Variants in GMPS observed in about 807,000 individuals in gnomAD.
GMPS encodes GMP synthase [glutamine-hydrolyzing].
Under a neutral mutation model 77.9 loss-of-function variants are expected in GMPS, and 15 were observed. The ratio of observed to expected loss-of-function variants is 0.19; its 90% confidence interval spans 0.13 to 0.30. The LOEUF is 0.30. GMPS is among the 10% of genes least tolerant of loss of function. GMPS has a pLI of 1.00. For synonymous variants in GMPS, 224 were observed against 275.9 expected, an observed-to-expected ratio of 0.81 and a Z score of 1.86; for missense variants, 590 against 838.8, an observed-to-expected ratio of 0.70 and a Z score of 3.66.
In GMPS at chr3:155,906,243, G is replaced by A. The variant is rs374038217; in HGVS notation, c.506G>A (p.Arg169His). 47 of 1,608,334 alleles carry A rather than the reference G, an allele frequency of 2.9e-5. No homozygotes were observed. Among genetic ancestry groups the A allele is most frequent in the African/African-American group, 6.7e-5 (5 of 74,872 alleles). ...GCTGATGGATTCAAGGTTGTGGCAC[G>A]TTCTGGAAACATAGTAGCAGGTGAA... The part of the protein sequence containing the change: ...KVADGFKVVA[R>H]SGNIVAGIAN... Residue 169 changes from arginine (R) to histidine (H), a missense_variant, in exon 5 of 16, where the codon CGT becomes CAT. By Grantham distance (29) the Arg-to-His change is conservative. This residue lies in a region of GMPS where 136 missense variants were observed against 225.6 expected (regional missense o/e 0.60). Coordinates refer to ENST00000496455, the MANE Select transcript of GMPS (RefSeq NM_003875.3).
At chr3:155,886,487 ATTGCAGTGAGCTGAGAGG>A (rs927705412) in intron 1 of GMPS, among the ~76,000 whole-genome samples, 10 of 147,918 alleles carry the variant, frequency 6.8e-5, no homozygotes, top group African/African-American at 2.5e-4. Flanking sequence ...AGGCAAGAGA[ATTGCAGTGAGCTGAGAGG>A]TTGCAGTGAG....
At position 155,934,992 on chromosome 3, in the gene GMPS, C is replaced by G; in HGVS notation, c.1753C>G (p.Leu585Val). ...TCCCACTTTCTTGACAACAGGGGTG[C>G]TCAGTACTTTACGCCAAGCTGATTT... The part of the protein sequence containing the change: ...VTPTFLTTGV[L>V]STLRQADFEA... The change falls in exon 14 of 16, where the codon CTC (leucine) becomes GTC (valine). Residue 585 changes from leucine to valine, a missense_variant. Coordinates refer to ENST00000496455, the MANE Select transcript of GMPS (RefSeq NM_003875.3). 2 of 1,600,820 alleles carry G rather than the reference C, an allele frequency of 1.2e-6. No homozygotes were observed. The highest frequency in any genetic ancestry group is 1.7e-6 in the Non-Finnish European group (2 of 1,167,944).
In GMPS at chr3:155,883,163, C is replaced by T. The variant is rs1754249786; in HGVS notation, c.28-10355C>T. Among the ~76,000 whole-genome samples the T allele has an allele frequency of 2.0e-5, 3 of 152,104 alleles. No homozygotes were observed. The South Asian group carries it at 6.2e-4, about 32-fold the overall frequency. On this transcript the variant is annotated intron_variant, in intron 1 of 15. Transcript: ENST00000496455. ...CTCAGCTCACTGCAGCTTCTGCCTCCTAGGTTCAAGCCATTCTCATGCCTC... is the reference window on the plus strand; with the variant it reads ...CTCAGCTCACTGCAGCTTCTGCCTCTTAGGTTCAAGCCATTCTCATGCCTC...
At chr3:155,935,965 T>G (rs1755755448) in intron 14 of GMPS, among the ~76,000 whole-genome samples, 1 of 152,216 alleles carries the variant, frequency 6.6e-6, no homozygotes, top group South Asian at 2.1e-4. Flanking sequence ...ATGAAAATAT[T>G]ACAACCAGAG....
rs1181365930 is a variant in GMPS at position 155,892,726 on chromosome 3, G to T, written c.28-792G>T. On this transcript the variant is annotated intron_variant, in intron 1 of 15. Transcript: ENST00000496455. The stretch of plus-strand genomic sequence containing the variant: ...AGCTCACTGCAACCTCCGCCTCCGG[G>T]GTTCAAGCGATTCTCCTGCCTCAGC... Among the ~76,000 whole-genome samples, 7 of 152,294 alleles carry T rather than the reference G, an allele frequency of 4.6e-5. No individual in the cohort carries two copies. The South Asian group carries it at 6.2e-4, about 14-fold the overall frequency.
chr3:155,922,061 T>G (rs530482794), intron 10 of GMPS, 126 bp from the exon 11 acceptor site: 1 of 513,170 alleles, frequency 1.9e-6, no homozygotes, highest in South Asian at 3.4e-5. Context: ...TGGATACTTA[T>G]GATGGGCAGA....
chr3:155,930,976 C>T (rs1004828963), intron 12 of GMPS, among the ~76,000 whole-genome samples: 9 of 152,054 alleles, frequency 5.9e-5, no homozygotes, highest in African/African-American at 1.9e-4. Flanking sequence ...GTGCATGCCA[C>T]CACACTGCCC....
chr3:155,940,898 A>ATC lies in GMPS; in HGVS notation c.*3206_*3207insTC, dbSNP rs1402503179. 1 of 215,936 alleles carries ATC rather than the reference A, an allele frequency of 4.6e-6. No homozygotes were observed. The highest frequency in any genetic ancestry group is 6.9e-5 in the East Asian group (1 of 14,534). 13.4% of individuals were successfully genotyped at this position (215,936 alleles called of 1,614,324 possible). A position where few individuals can be genotyped will look rare whatever the true frequency, so the allele number is the denominator to read the frequency against. ...CTTCTGCTGTGAGATGACACTTGAA[A>ATC]AACACCCATCAAAGTTTTCCTGGTA... On this transcript the variant is annotated 3_prime_UTR_variant, in exon 16 of 16. Transcript: ENST00000496455.
rs550738186 is a variant in GMPS, at chr3:155,939,936, C to T, written c.*2244C>T. The T allele has an allele frequency of 4.9e-6, 1 of 202,072 alleles. No individual in the cohort carries two copies. The highest frequency in any genetic ancestry group is 1.0e-5 in the Non-Finnish European group (1 of 98,244). 12.5% of individuals were successfully genotyped at this position (202,072 alleles called of 1,614,324 possible). A position where few individuals can be genotyped will look rare whatever the true frequency, so the allele number is the denominator to read the frequency against. ...AACAAGCTCACCTTAGGCATGGTTA[C>T]TTAATTAATTTCAGAATTAAATTTC... is the stretch of plus-strand genomic sequence containing the variant. On this transcript the variant is annotated 3_prime_UTR_variant, in exon 16 of 16. Coordinates refer to ENST00000496455, the MANE Select transcript of GMPS (RefSeq NM_003875.3).
chr3:155,871,512 TC>T (rs1449134806), intron 1 of GMPS, among the ~76,000 whole-genome samples: 1 of 152,046 alleles, frequency 6.6e-6, no homozygotes, highest in Non-Finnish European at 1.5e-5. Flanking sequence ...TGCACTGTCT[TC>T]CCCCTCCCCC....
intron 12 of GMPS, among the ~76,000 whole-genome samples, chr3:155,927,396 G>C (rs1755484659): frequency 6.6e-6 from 1 of 152,116 alleles, no homozygotes; most frequent in Admixed American, 6.5e-5. Flanking sequence ...GCTACAAAGG[G>C]AGTTGAAATA....
intron 11 of GMPS, among the ~76,000 whole-genome samples, chr3:155,923,554 C>T (rs769592142): frequency 1.3e-5 from 2 of 152,014 alleles, no homozygotes; most frequent in Non-Finnish European, 2.9e-5. Flanking sequence ...CAATTACCTA[C>T]CCAGGAAATT....
intron 3 of GMPS, among the ~76,000 whole-genome samples, chr3:155,902,311 G>A (rs1316884435): frequency 6.6e-6 from 1 of 152,198 alleles, no homozygotes; most frequent in Non-Finnish European, 1.5e-5. Flanking sequence ...TTTAATATAA[G>A]GAACTTGGAT....
chr3:155,877,462 C>G (rs1222905896), intron 1 of GMPS, among the ~76,000 whole-genome samples: 1 of 152,044 alleles, frequency 6.6e-6, no homozygotes, highest in Non-Finnish European at 1.5e-5. Context: ...AACCATCACC[C>G]CCCATTTGTA....
intron 13 of GMPS, 60 bp downstream of exon 13, chr3:155,931,940 GC>G: frequency 1.3e-6 from 1 of 774,014 alleles, no homozygotes; most frequent in Non-Finnish European, 2.3e-6. Context: ...TTTCTTAAGG[GC>G]TTTCAATTAA....
At chr3:155,926,129 A>C (rs1442782852) in intron 12 of GMPS, among the ~76,000 whole-genome samples, 1 of 152,036 alleles carries the variant, frequency 6.6e-6, no homozygotes, top group Non-Finnish European at 1.5e-5. Context: ...CTACTACCTC[A>C]GCTTCCCAAG....
rs1266641720 is a variant in GMPS at position 155,870,903 on chromosome 3, C to CGT, written c.27+8_27+9dup. The CGT allele has an allele frequency of 6.7e-7, 1 of 1,500,470 alleles. No individual in the cohort carries two copies. Among genetic ancestry groups the CGT allele is most frequent in the Admixed American group, 2.2e-5 (1 of 45,560 alleles). 92.9% of individuals were successfully genotyped at this position (1,500,470 alleles called of 1,614,324 possible). A position where few individuals can be genotyped will look rare whatever the true frequency, so the allele number is the denominator to read the frequency against. ...TGTGCAACGGAGACTCCAAGGTCAG[C>CGT]GTGGGGGTCCCTGCAGCACCGCATC... On this transcript the variant is annotated splice_region_variant and intron_variant, in intron 1 of 15. Coordinates refer to ENST00000496455, the MANE Select transcript of GMPS (RefSeq NM_003875.3).
At chr3:155,914,843 G>A (rs1195197993) in intron 8 of GMPS, among the ~76,000 whole-genome samples, 1 of 151,524 alleles carries the variant, frequency 6.6e-6, no homozygotes, top group Non-Finnish European at 1.5e-5. Context: ...ATCTCGGCTC[G>A]CTGCAACCTC....
chr3:155,925,201 T>C, intron 11 of GMPS, 40 bp from the exon 12 acceptor site: 1 of 1,577,312 alleles, frequency 6.3e-7, no homozygotes, highest in Non-Finnish European at 8.6e-7. Flanking sequence ...GAATACCTTA[T>C]TTCTTAAAAC....
Sources: allele counts gnomAD v4.1 joint callset (sites outside exome capture counted in the v4.1 genomes callset), GRCh38; gene constraint gnomAD v4.1.1; regional missense constraint gnomAD v4.1.1; transcripts MANE v1.5; gene names NCBI Gene and HGNC (gene_info 2026-07-23, HGNC 2026-07-21).